FAM135B: variants seen among roughly 807,000 people sequenced by gnomAD.
FAM135B encodes the protein family with sequence similarity 135 member B, also known as protein FAM135B.
In FAM135B, 43 loss-of-function variants were observed where a neutral mutation model predicts 127.7. That is an observed-to-expected ratio of 0.34 (90% CI 0.26 to 0.43). The LOEUF is 0.43. Among genes scored for constraint, FAM135B ranks in the 20% least tolerant of loss-of-function variants. The probability of loss-of-function intolerance (pLI) is 1.00; values close to 1 mark genes in which losing one functional copy is unlikely to be tolerated. For missense variants in FAM135B, 1,558 were observed against 1,725.6 expected (o/e 0.90, Z 1.72); for synonymous variants, 670 against 665.1 (o/e 1.01, Z -0.11).
intron 7 of FAM135B, among the ~76,000 whole-genome samples, chr8:138,216,834 T>C (rs1818585761): frequency 6.6e-6 from 1 of 152,178 alleles, no homozygotes; most frequent in African/African-American, 2.4e-5. Context: ...ACCCATGTTC[T>C]TGAAAGACAG....
chr8:138,309,011 G>C, intron 3 of FAM135B: 1 of 455,022 alleles, frequency 2.2e-6, no homozygotes, highest in Non-Finnish European at 4.4e-6. Context: ...TTCTTGTTCT[G>C]ACATATGTAT....
At chr8:138,156,441 A>C (rs1436440119) in intron 12 of FAM135B, among the ~76,000 whole-genome samples, 1 of 152,194 alleles carries the variant, frequency 6.6e-6, no homozygotes, top group African/African-American at 2.4e-5. Context: ...GAAATAAGTA[A>C]GATCAGAGCA....
intron 7 of FAM135B, among the ~76,000 whole-genome samples, chr8:138,225,339 T>C (rs1819330854): frequency 6.6e-6 from 1 of 152,000 alleles, no homozygotes; most frequent in African/African-American, 2.4e-5. Flanking sequence ...AAGGTAGCCA[T>C]CTGCAAGCCA....
At chr8:138,482,017 T>C (rs957652968) in intron 1 of FAM135B, among the ~76,000 whole-genome samples, 7 of 152,188 alleles carry the variant, frequency 4.6e-5, no homozygotes, top group African/African-American at 1.2e-4. Context: ...AGTTCAGAGA[T>C]GGACATTAGT....
intron 9 of FAM135B, among the ~76,000 whole-genome samples, chr8:138,183,211 T>C (rs1815245869): frequency 6.6e-6 from 1 of 152,252 alleles, no homozygotes; most frequent in Non-Finnish European, 1.5e-5. Flanking sequence ...AATTTTAATG[T>C]ACTTAATTAC....
At chr8:138,453,841 T>C (rs1836628941) in intron 1 of FAM135B, among the ~76,000 whole-genome samples, 1 of 152,194 alleles carries the variant, frequency 6.6e-6, no homozygotes, top group South Asian at 2.1e-4. Context: ...ATAGTGAAGA[T>C]AATAATAGTA....
chr8:138,185,381 A>G (rs1306252704), intron 9 of FAM135B, among the ~76,000 whole-genome samples: 2 of 152,210 alleles, frequency 1.3e-5, no homozygotes, highest in African/African-American at 4.8e-5. Flanking sequence ...CCTTCACAGC[A>G]GAAACTCGAG....
chr8:138,273,498 C>G (rs1823553585), intron 3 of FAM135B, among the ~76,000 whole-genome samples: 2 of 152,194 alleles, frequency 1.3e-5, no homozygotes, highest in South Asian at 2.1e-4. Flanking sequence ...GCCACCGCCT[C>G]CAGCCAAAGG....
At chr8:138,208,106 G>A (rs1388018917) in intron 7 of FAM135B, among the ~76,000 whole-genome samples, 2 of 152,178 alleles carry the variant, frequency 1.3e-5, no homozygotes, top group South Asian at 2.1e-4. Flanking sequence ...CCACTCCACT[G>A]TGGACAGACT....
intron 7 of FAM135B, among the ~76,000 whole-genome samples, chr8:138,214,442 T>G (rs1463605583): frequency 6.7e-6 from 1 of 150,070 alleles, no homozygotes; most frequent in Non-Finnish European, 1.5e-5. Flanking sequence ...AAATATTATT[T>G]GTGTATGACT....
chr8:138,469,142 C>T (rs1382453344), intron 1 of FAM135B, among the ~76,000 whole-genome samples: 1 of 151,408 alleles, frequency 6.6e-6, no homozygotes, highest in Non-Finnish European at 1.5e-5. Context: ...TGTGGTTTTT[C>T]CCTTTGAAAG....
chr8:138,422,886 T>A (rs533328137), intron 1 of FAM135B, among the ~76,000 whole-genome samples: 1 of 152,298 alleles, frequency 6.6e-6, no homozygotes, highest in East Asian at 1.9e-4. Flanking sequence ...AACAGTGGAC[T>A]GAATAAAGAA....
chr8:138,389,744 T>C (rs1832436591), intron 1 of FAM135B, among the ~76,000 whole-genome samples: 1 of 152,196 alleles, frequency 6.6e-6, no homozygotes, highest in South Asian at 2.1e-4. Context: ...GTGGTGATAG[T>C]TGGACAATAT....
At chr8:138,308,695 C>T (rs1283618621) in intron 3 of FAM135B, among the ~76,000 whole-genome samples, 2 of 152,008 alleles carry the variant, frequency 1.3e-5, no homozygotes, top group African/African-American at 2.4e-5. Flanking sequence ...CCCCATTACT[C>T]GCTGGGCTCT....
chr8:138,357,860 T>G (rs903335641), intron 2 of FAM135B, among the ~76,000 whole-genome samples: 2 of 151,972 alleles, frequency 1.3e-5, no homozygotes, highest in Non-Finnish European at 2.9e-5. Flanking sequence ...ATCTCAGATG[T>G]AAAGTAAAAA....
chr8:138,147,195 C>T (rs958595248), intron 14 of FAM135B, among the ~76,000 whole-genome samples: 1 of 151,724 alleles, frequency 6.6e-6, no homozygotes, highest in Non-Finnish European at 1.5e-5. Flanking sequence ...TTCCCTCTTT[C>T]ATTTTTGTCA....
intron 19 of FAM135B, among the ~76,000 whole-genome samples, chr8:138,134,394 A>G (rs1262782074): frequency 2.0e-5 from 3 of 152,208 alleles, no homozygotes; most frequent in East Asian, 1.9e-4. Flanking sequence ...TTATTTAAAG[A>G]AAAAAGTCAC....
At position 138,346,906 on chromosome 8, in the gene FAM135B, T is replaced by C. The variant is rs144842309; in HGVS notation, c.77+21001A>G. Reference sequence around the variant, plus strand: ...GGCAGGTAGCAAGCACTCACCAATGTCCATTATAATCACATTGTATGATAA... The same window carrying C: ...GGCAGGTAGCAAGCACTCACCAATGCCCATTATAATCACATTGTATGATAA... On this transcript the variant is annotated intron_variant, in intron 2 of 19. Transcript: ENST00000395297. Among the ~76,000 whole-genome samples the C allele has an allele frequency of 1.3e-3, 199 of 152,356 alleles. 5 individuals carry two copies. In the South Asian group the frequency reaches 0.014, roughly 11 times the overall value.
intron 3 of FAM135B, among the ~76,000 whole-genome samples, chr8:138,290,665 T>A (rs1825040714): frequency 6.6e-6 from 1 of 152,106 alleles, no homozygotes. Flanking sequence ...CAGTGTTGGG[T>A]TATGGGAGCA....
Sources: allele counts gnomAD v4.1 joint callset (sites outside exome capture counted in the v4.1 genomes callset), GRCh38; gene constraint gnomAD v4.1.1; transcripts MANE v1.5; gene names NCBI Gene and HGNC (gene_info 2026-07-23, HGNC 2026-07-21).